The following TUSC3 variants were observed in gnomAD, a reference collection of about 807,000 sequenced individuals.
The protein encoded by TUSC3 is dolichyl-diphosphooligosaccharide--protein glycosyltransferase subunit TUSC3.
TUSC3 carries 45 observed loss-of-function variants against 44.8 expected under a neutral mutation model. That is an observed-to-expected ratio of 1.00 (90% confidence interval 0.79 to 1.29). The LOEUF is 1.29. Among genes scored for constraint, TUSC3 ranks in the 50% most tolerant of loss-of-function variants. TUSC3 has a pLI of 0.00. For synonymous variants in TUSC3, 212 were observed against 152.9 expected (o/e 1.39, Z -2.85); for missense variants, 519 against 437.9 (o/e 1.19, Z -1.65).
chr8:15,477,029 A>G (rs1470229947), intron 1 of TUSC3, among the ~76,000 whole-genome samples: 6 of 152,168 alleles, frequency 3.9e-5, no homozygotes, highest in Non-Finnish European at 5.9e-5. Context: ...AAAGCAACCC[A>G]TCAGAGGTAC....
chr8:15,824,206 T>C, the TUSC3 span, among the ~76,000 whole-genome samples: 3 of 152,156 alleles, frequency 2.0e-5, no homozygotes, highest in African/African-American at 4.8e-5. Context: ...GAAGATATCT[T>C]GTTATTGATT....
intron 1 of TUSC3, among the ~76,000 whole-genome samples, chr8:15,445,935 G>A (rs1460865320): frequency 2.0e-5 from 3 of 148,264 alleles, no homozygotes; most frequent in Non-Finnish European, 4.5e-5. Context: ...GGACGGGGCG[G>A]CTGGCCGGAC....
chr8:15,758,146 A>C, intron 10 of TUSC3: 1 of 1,119,858 alleles, frequency 8.9e-7, no homozygotes, highest in South Asian at 3.3e-5. Context: ...GTTTGTTATC[A>C]CTTAGGGAAA....
At chr8:15,632,034 C>T (rs947512695) in intron 2 of TUSC3, among the ~76,000 whole-genome samples, 2 of 152,020 alleles carry the variant, frequency 1.3e-5, no homozygotes, top group Admixed American at 1.3e-4. Flanking sequence ...ATTAGAACAC[C>T]ATTATAACTT....
chr8:15,476,357 T>C (rs1800575297), intron 1 of TUSC3, among the ~76,000 whole-genome samples: 1 of 152,196 alleles, frequency 6.6e-6, no homozygotes, highest in Non-Finnish European at 1.5e-5. Context: ...TTTGTATAGT[T>C]CAGAGGTTTA....
At chr8:15,660,778 C>T (rs1469401832) in intron 4 of TUSC3, among the ~76,000 whole-genome samples, 1 of 151,032 alleles carries the variant, frequency 6.6e-6, no homozygotes, top group Non-Finnish European at 1.5e-5. Flanking sequence ...TTAGTTGGTG[C>T]AAGACATTAA....
intron 2 of TUSC3, among the ~76,000 whole-genome samples, chr8:15,489,214 G>A (rs1052234936): frequency 6.6e-6 from 1 of 152,154 alleles, no homozygotes; most frequent in African/African-American, 2.4e-5. Flanking sequence ...GGGAAAGGCA[G>A]GACAACTTGA....
chr8:15,832,313 C>A, the TUSC3 span, among the ~76,000 whole-genome samples: 1 of 152,056 alleles, frequency 6.6e-6, no homozygotes, highest in African/African-American at 2.4e-5. Context: ...AAGACTGTTA[C>A]CAAAAACAAC....
the TUSC3 span, among the ~76,000 whole-genome samples, chr8:15,799,610 T>A: frequency 6.6e-6 from 1 of 152,076 alleles, no homozygotes; most frequent in African/African-American, 2.4e-5. Context: ...CAGCTAACCA[T>A]ACAATTTGGT....
At chr8:15,824,852 G>C in the TUSC3 span, among the ~76,000 whole-genome samples, 5 of 152,078 alleles carry the variant, frequency 3.3e-5, no homozygotes, top group African/African-American at 1.2e-4. Flanking sequence ...TTCTCCCAAG[G>C]TATAGCATTT....
At chr8:15,669,539 A>C (rs1034731094) in intron 5 of TUSC3, among the ~76,000 whole-genome samples, 1 of 151,852 alleles carries the variant, frequency 6.6e-6, no homozygotes, top group African/African-American at 2.4e-5. Context: ...ATACATTGTC[A>C]AGTTATTTCA....
At chr8:15,818,231 T>G in the TUSC3 span, among the ~76,000 whole-genome samples, 1 of 152,170 alleles carries the variant, frequency 6.6e-6, no homozygotes, top group African/African-American at 2.4e-5. Context: ...CACATGATAG[T>G]CATCATTCTT....
chr8:15,743,586 C>T lies in TUSC3; in HGVS notation c.911C>T (p.Ser304Leu), dbSNP rs777646780. ...GMVLLNEAAT[S>L]KGDVGKRRII... Reference sequence around the variant, plus strand: ...GTTCTTCTAAATGAAGCAGCAACTTCGAAAGGCGATGTTGGAAAAAGACGG... The same window carrying T: ...GTTCTTCTAAATGAAGCAGCAACTTTGAAAGGCGATGTTGGAAAAAGACGG... Residue 304 changes from serine (S) to leucine (L), a missense_variant, in exon 8 of 11, where the codon TCG becomes TTG. Physicochemically the swap from Ser to Leu is moderately radical, Grantham distance 145 (BLOSUM62 -2). Coordinates refer to ENST00000503731, the MANE Select transcript of TUSC3 (RefSeq NM_006765.4). 27 of 1,613,756 alleles carry T rather than the reference C, an allele frequency of 1.7e-5. No individual in the cohort carries two copies. The highest frequency in any genetic ancestry group is 6.7e-5 in the East Asian group (3 of 44,874).
chr8:15,743,213 A>C (rs558149328), intron 7 of TUSC3, among the ~76,000 whole-genome samples: 3 of 152,228 alleles, frequency 2.0e-5, no homozygotes, highest in Admixed American at 6.5e-5. Flanking sequence ...TAAGCAGTGC[A>C]TATCTTTATG....
intron 10 of TUSC3, among the ~76,000 whole-genome samples, chr8:15,758,602 G>A (rs1812035169): frequency 1.3e-5 from 2 of 151,982 alleles, no homozygotes; most frequent in East Asian, 1.9e-4. Flanking sequence ...GCTCCATACC[G>A]TTCAGCAACC....
At chr8:15,538,873 A>G (rs952809794), upstream of TUSC3, among the ~76,000 whole-genome samples, 8 of 151,802 alleles carry the variant, frequency 5.3e-5, no homozygotes, top group African/African-American at 1.9e-4. Flanking sequence ...TTTTGGAGAC[A>G]GGGTTTTGCT....
intron 6 of TUSC3, among the ~76,000 whole-genome samples, chr8:15,687,058 G>A (rs917455114): frequency 2.6e-5 from 4 of 152,014 alleles, no homozygotes; most frequent in Non-Finnish European, 5.9e-5. Flanking sequence ...GGGTGACAGA[G>A]CAAGACTCCG....
intron 2 of TUSC3, among the ~76,000 whole-genome samples, chr8:15,496,815 T>A (rs2129126444): frequency 6.6e-6 from 1 of 152,246 alleles, no homozygotes; most frequent in East Asian, 1.9e-4. Context: ...TCACGATACA[T>A]CACACCAACT....
At chr8:15,827,968 C>T in the TUSC3 span, among the ~76,000 whole-genome samples, 57 of 150,546 alleles carry the variant, frequency 3.8e-4, no homozygotes, top group East Asian at 8.7e-3. Flanking sequence ...CCTAACACCC[C>T]AGAAAACTAA....
Sources: allele counts gnomAD v4.1 joint callset (sites outside exome capture counted in the v4.1 genomes callset), GRCh38; gene constraint gnomAD v4.1.1; transcripts MANE v1.5; gene names NCBI Gene and HGNC (gene_info 2026-07-23, HGNC 2026-07-21).